ANKRD26: variants seen among roughly 807,000 people sequenced by gnomAD.
The protein encoded by ANKRD26 is ankyrin repeat domain-containing protein 26.
ANKRD26 carries 141 observed loss-of-function variants against 208.7 expected under a neutral mutation model. The observed-to-expected ratio is 0.68, with a 90% CI of 0.59 to 0.78. The LOEUF (loss-of-function observed/expected upper bound fraction) is 0.78. ANKRD26 is among the 30% of genes least tolerant of loss of function. The probability of loss-of-function intolerance (pLI) is 0.00; values close to 1 mark genes in which losing one functional copy is unlikely to be tolerated. For missense variants in ANKRD26, 1,889 were observed against 1,938.7 expected (o/e 0.97, Z 0.48); for synonymous variants, 636 against 660.4 (o/e 0.96, Z 0.57).
chr10:27,077,296 G>A, intron 9 of ANKRD26, 42 bp downstream of exon 9: 2 of 1,484,574 alleles, frequency 1.3e-6, no homozygotes, highest in Non-Finnish European at 1.9e-6. Context: ...TGTTGGGGCA[G>A]GGGAAGGGTA....
chr10:26,975,205 G>A (rs1195579985), exon 6 of ANKRD26, among the ~76,000 whole-genome samples: 1 of 151,988 alleles, frequency 6.6e-6, no homozygotes. Context: ...TCTGAGAATT[G>A]AATTTATGTC....
rs116965648 is a variant in ANKRD26 at position 27,089,953 on chromosome 10, A to G, written c.638+2453T>C. On this transcript the variant is annotated intron_variant, in intron 4 of 33. Coordinates refer to ENST00000376087, the MANE Select transcript of ANKRD26 (RefSeq NM_014915.3). ...AACTGATGTATAAGATGCAATCATG[A>G]TAATTATTTTAAACCTCTATTTAGT... Among the ~76,000 whole-genome samples the G allele has an allele frequency of 3.3e-4, 50 of 152,352 alleles. No individual in the cohort carries two copies. The East Asian group carries it at 5.8e-3, about 18-fold the overall frequency.
Position 27,092,470 on chromosome 10 carries a change from G to T in ANKRD26, c.574C>A (p.Gln192Lys), listed in dbSNP as rs1202115879. Residue 192 changes from glutamine to lysine, a missense_variant, in exon 4 of 34, where the codon CAG (glutamine) becomes AAG (lysine). Gln to Lys is a moderately conservative substitution (Grantham distance 53). Transcript: ENST00000376087. Reference sequence around the variant, plus strand: ...TTTATTAAAAATTCCACCATTTGCTGCTTTTTTCCACTTACTGCAAGTAAA... The same window carrying T: ...TTTATTAAAAATTCCACCATTTGCTTCTTTTTTCCACTTACTGCAAGTAAA... ...PLLLAVSGKK[Q>K]QMVEFLIKKK... The T allele has an allele frequency of 6.2e-7, 1 of 1,613,592 alleles. No individual in the cohort carries two copies. The highest frequency in any genetic ancestry group is 2.2e-5 in the East Asian group (1 of 44,834).
chr10:27,100,233 C>G lies in ANKRD26; in HGVS notation c.94G>C (p.Glu32Gln). Residue 32 changes from glutamate (E) to glutamine (Q), a missense_variant, in exon 1 of 34, where the codon GAG becomes CAG. Around this residue, in one of 3 missense-constraint regions of ANKRD26, gnomAD observed 1,272 missense variants for 1,273.8 expected, o/e 1.00. Coordinates refer to ENST00000376087, the MANE Select transcript of ANKRD26 (RefSeq NM_014915.3). ...TAGCCGGGCTGCGAGTAGGCGCCCTCCCCCGGCTCGCCCCCGCCTCCCGCG... is the reference window on the plus strand; with the variant it reads ...TAGCCGGGCTGCGAGTAGGCGCCCTGCCCCGGCTCGCCCCCGCCTCCCGCG... ...SSAGGGGEPGEGAYSQPGYHV... is the reference protein window; with the variant it reads ...SSAGGGGEPGQGAYSQPGYHV... The G allele has an allele frequency of 6.2e-7, 1 of 1,612,316 alleles. No individual in the cohort carries two copies. The highest frequency in any genetic ancestry group is 8.5e-7 in the Non-Finnish European group (1 of 1,179,774).
chr10:27,030,585 C>A (rs773314030), intron 25 of ANKRD26: 168 of 985,196 alleles, frequency 1.7e-4, no homozygotes, highest in Non-Finnish European at 1.9e-4. Context: ...TATGAATCTA[C>A]GGATCCCAGC....
chr10:27,086,158 C>T (rs1479445956), intron 5 of ANKRD26, among the ~76,000 whole-genome samples: 1 of 152,022 alleles, frequency 6.6e-6, no homozygotes, highest in African/African-American at 2.4e-5. Context: ...TTAATAAACA[C>T]AAACCATTTA....
In ANKRD26 at chr10:27,035,253, A is replaced by C. The variant is rs759188270; in HGVS notation, c.3197T>G (p.Leu1066Arg). The change falls in exon 24 of 34, where the codon CTA becomes CGA. Residue 1066 changes from leucine to arginine, a missense_variant. Transcript: ENST00000376087. ...ATTGAGTTTACTTTCAGTTTTAAATAGTTGTTGAGAAAGAATCTCATTGTT... is the reference window on the plus strand; with the variant it reads ...ATTGAGTTTACTTTCAGTTTTAAATCGTTGTTGAGAAAGAATCTCATTGTT... ...KDNNEILSQQ[L>R]FKTESKLNSL... 2 of 1,613,976 alleles carry C rather than the reference A, an allele frequency of 1.2e-6. No individual in the cohort carries two copies. Among genetic ancestry groups the C allele is most frequent in the Non-Finnish European group, 1.7e-6 (2 of 1,179,922 alleles).
At chr10:27,062,952 G>C (rs2055114641) in intron 12 of ANKRD26, among the ~76,000 whole-genome samples, 1 of 152,078 alleles carries the variant, frequency 6.6e-6, no homozygotes, top group African/African-American at 2.4e-5. Flanking sequence ...ATTTTTAGTA[G>C]AGACGGGGTT....
At chr10:27,051,252 C>T in intron 16 of ANKRD26, 1 of 1,289,708 alleles carries the variant, frequency 7.8e-7, no homozygotes, top group Non-Finnish European at 1.0e-6. Flanking sequence ...GTTATTAGCA[C>T]TGCAATGATC....
chr10:26,999,807 C>CAAAAAAAA (rs68192322), downstream of ANKRD26, among the ~76,000 whole-genome samples: 1 of 74,780 alleles, frequency 1.3e-5, no homozygotes, highest in African/African-American at 4.9e-5. Flanking sequence ...CAAAACCAAC[C>CAAAAAAAA]AAAAAAAAAA....
At position 27,017,487 on chromosome 10, in the gene ANKRD26, T is replaced by C; in HGVS notation, c.4506+15A>G. ...TGCAGTGAAATGAACAAAGGCACACTACACATAAGCTAACCTGTAAAAATA... is the reference window on the plus strand; with the variant it reads ...TGCAGTGAAATGAACAAAGGCACACCACACATAAGCTAACCTGTAAAAATA... On this transcript the variant is annotated intron_variant, in intron 30 of 33. Transcript: ENST00000376087. 3.7e-6 allele frequency: 6 copies of C among 1,612,620 alleles called. No individual in the cohort carries two copies. The highest frequency in any genetic ancestry group is 4.2e-6 in the Non-Finnish European group (5 of 1,179,584).
chr10:27,012,790 C>T, intron 32 of ANKRD26, 92 bp downstream of exon 32: 1 of 1,285,128 alleles, frequency 7.8e-7, no homozygotes, highest in Non-Finnish European at 1.1e-6. Flanking sequence ...CCAGCCTGGA[C>T]AACAGAGTAA....
chr10:26,970,461 T>C (rs756762153), downstream of ANKRD26, among the ~76,000 whole-genome samples: 4 of 152,184 alleles, frequency 2.6e-5, no homozygotes, highest in African/African-American at 4.8e-5. Flanking sequence ...TGGCACCTCA[T>C]GCTGTCTCTC....
In ANKRD26 at chr10:27,081,659, T is replaced by C. The variant is rs117850269; in HGVS notation, c.740+1144A>G. Among the ~76,000 whole-genome samples, 30 of 152,176 alleles carry C rather than the reference T, an allele frequency of 2.0e-4. No homozygotes were observed. The East Asian group carries it at 5.6e-3, about 28-fold the overall frequency. On this transcript the variant is annotated intron_variant, in intron 6 of 33. Transcript: ENST00000376087. ...TGTTGATAGGAAAATGAGGAATACT[T>C]AGCTGGCAGAAATGGAAAAAAATAA...
rs908441217 is a variant in ANKRD26 at position 27,026,974 on chromosome 10, C to G, written c.3972+1878G>C. Among the ~76,000 whole-genome samples, 5 of 152,088 alleles carry G rather than the reference C, an allele frequency of 3.3e-5. No homozygotes were observed. In the East Asian group the frequency reaches 5.8e-4, roughly 18 times the overall value. ...CTAATTTTTGTATTTACAGTAGAGA[C>G]AGGGTTTTGCCATGTTGGCCAGGCT... On this transcript the variant is annotated intron_variant, in intron 27 of 33. Coordinates refer to ENST00000376087, the MANE Select transcript of ANKRD26 (RefSeq NM_014915.3).
intron 10 of ANKRD26, 143 bp downstream of exon 10, chr10:27,067,014 C>T (rs2055275408): frequency 2.4e-6 from 2 of 821,476 alleles, no homozygotes; most frequent in Non-Finnish European, 3.9e-6. Context: ...ATCATGTTGG[C>T]TAGGCTGGTC....
Position 27,033,237 on chromosome 10 carries a change from T to G in ANKRD26, c.3795A>C (p.Gln1265His). ...ETQDLKKKLG[Q>H]IRNQLQEAQD... Reference sequence around the variant, plus strand: ...ATTTCATACATACTTGATTTCTGATTTGACCTAATTTCTTCTTTAAATCCT... The same window carrying G: ...ATTTCATACATACTTGATTTCTGATGTGACCTAATTTCTTCTTTAAATCCT... Residue 1265 changes from glutamine to histidine, a missense_variant, in exon 25 of 34, where the codon CAA (glutamine) becomes CAC (histidine). By Grantham distance (24) the Gln-to-His change is conservative. This residue lies in a region of ANKRD26 where 613 missense variants were observed against 648.2 expected (regional missense o/e 0.95). Coordinates refer to ENST00000376087, the MANE Select transcript of ANKRD26 (RefSeq NM_014915.3). 3 of 1,610,704 alleles carry G rather than the reference T, an allele frequency of 1.9e-6. No homozygotes were observed. The highest frequency in any genetic ancestry group is 2.5e-6 in the Non-Finnish European group (3 of 1,177,454).
In ANKRD26 at chr10:27,035,042, C is replaced by A. The variant is rs756089394; in HGVS notation, c.3408G>T (p.Leu1136Phe). The change falls in exon 24 of 34, where the codon TTG (leucine) becomes TTT (phenylalanine). Residue 1136 changes from leucine to phenylalanine, a missense_variant. Leu to Phe is a conservative substitution (Grantham distance 22, BLOSUM62 0). Around this residue, in one of 3 missense-constraint regions of ANKRD26, gnomAD observed 613 missense variants for 648.2 expected, o/e 0.95. Coordinates refer to ENST00000376087, the MANE Select transcript of ANKRD26 (RefSeq NM_014915.3). ...IGKQESVEERLSQLQSENMLL... is the reference protein window; with the variant it reads ...IGKQESVEERFSQLQSENMLL... ...ACATATTCTCACTTTGTAGTTGAGA[C>A]AATCTCTCCTCTACAGACTCCTGCT... The A allele has an allele frequency of 6.2e-7, 1 of 1,613,908 alleles. No individual in the cohort carries two copies. The highest frequency in any genetic ancestry group is 8.5e-7 in the Non-Finnish European group (1 of 1,179,880).
chr10:27,039,372 T>A (rs1166705738), intron 21 of ANKRD26, among the ~76,000 whole-genome samples: 4 of 151,016 alleles, frequency 2.6e-5, no homozygotes, highest in African/African-American at 9.8e-5. Flanking sequence ...GAGAATTGCT[T>A]AAACCTGGGA....
Sources: gnomAD v4.1 joint callset for allele counts (sites outside exome capture counted in the v4.1 genomes callset) on GRCh38, gnomAD v4.1.1 for gene constraint, gnomAD v4.1.1 regional missense constraint, MANE v1.5 for transcripts, NCBI Gene and HGNC (gene_info 2026-07-23, HGNC 2026-07-21) for gene names.